BIRC6: variants seen among roughly 807,000 people sequenced by gnomAD.
BIRC6 encodes baculoviral IAP repeat containing 6, also known as dual E2 ubiquitin-conjugating enzyme/E3 ubiquitin-protein ligase BIRC6.
A neutral mutation model predicts 503.3 loss-of-function variants in BIRC6; 98 were observed. That is an observed-to-expected ratio of 0.19 (90% CI 0.17 to 0.23). The LOEUF is 0.23. Ranked by LOEUF, BIRC6 falls within the 10% of genes least tolerant of loss-of-function variation. BIRC6 has a pLI of 1.00. For synonymous variants in BIRC6, 2,240 were observed against 2,078.7 expected (o/e 1.08, Z -2.11); for missense variants, 5,360 against 5,806.0 (o/e 0.92, Z 2.50).
chr2:32,426,662 A>G (rs1171116528), intron 10 of BIRC6, among the ~76,000 whole-genome samples: 1 of 152,244 alleles, frequency 6.6e-6, no homozygotes, highest in Non-Finnish European at 1.5e-5. Flanking sequence ...TACAACCATT[A>G]TCTTTTTAAA....
At chr2:32,572,421 A>T (rs1001726747) in intron 65 of BIRC6, among the ~76,000 whole-genome samples, 2 of 152,170 alleles carry the variant, frequency 1.3e-5, no homozygotes, top group African/African-American at 4.8e-5. Context: ...ACAGTATTGT[A>T]TTGAACATTT....
At chr2:32,484,104 T>A (rs2050715371) in intron 39 of BIRC6, among the ~76,000 whole-genome samples, 1 of 152,138 alleles carries the variant, frequency 6.6e-6, no homozygotes. Flanking sequence ...CTCAAACTCC[T>A]GAGCTCAAGC....
At chr2:32,553,311 T>C (rs2058565951) in intron 65 of BIRC6, among the ~76,000 whole-genome samples, 1 of 150,242 alleles carries the variant, frequency 6.7e-6, no homozygotes, top group Admixed American at 6.7e-5. Flanking sequence ...GTAGTTTTCC[T>C]ACTCTTTTGA....
At position 32,618,228 on chromosome 2, in the gene BIRC6, AT is replaced by A. The variant is rs869202969; in HGVS notation, c.*334del. ...GTTTACTGAATGTTTATTTTATTTT[AT>A]TTTTTTTTTACTATAGAGTGAGGGG... On this transcript the variant is annotated 3_prime_UTR_variant, in exon 74 of 74. Coordinates refer to ENST00000421745, the MANE Select transcript of BIRC6 (RefSeq NM_016252.4). The A allele has an allele frequency of 0.012, 1,231 of 99,708 alleles. 10 individuals carry two copies. The highest frequency in any genetic ancestry group is 0.046 in the Middle Eastern group (10 of 216). 6.2% of individuals were successfully genotyped at this position (99,708 alleles called of 1,614,324 possible). A position where few individuals can be genotyped will look rare whatever the true frequency, so the allele number is the denominator to read the frequency against.
chr2:32,510,734 C>A, intron 53 of BIRC6, 100 bp downstream of exon 53: 1 of 799,652 alleles, frequency 1.3e-6, no homozygotes, highest in Non-Finnish European at 2.1e-6. Flanking sequence ...TCATAAAAGA[C>A]AATACTGTGA....
intron 37 of BIRC6, among the ~76,000 whole-genome samples, chr2:32,480,693 G>T (rs1263858768): frequency 8.3e-6 from 1 of 120,056 alleles, no homozygotes; most frequent in African/African-American, 3.2e-5. Context: ...CCAGGCTGGA[G>T]CACAATGGCG....
At chr2:32,587,908 TATTCTAGTCACGTCTA>T (rs2061158935) in intron 66 of BIRC6, among the ~76,000 whole-genome samples, 1 of 152,222 alleles carries the variant, frequency 6.6e-6, no homozygotes, top group Non-Finnish European at 1.5e-5. Flanking sequence ...ATATCCATAG[TATTCTAGTCACGTCTA>T]ATTACTAGAT....
At chr2:32,542,487 C>T (rs905791453) in intron 61 of BIRC6, among the ~76,000 whole-genome samples, 15 of 152,134 alleles carry the variant, frequency 9.9e-5, no homozygotes, top group African/African-American at 2.4e-4. Flanking sequence ...AGAATCTATA[C>T]TGATAAAAAT....
In BIRC6 at chr2:32,445,528, C is replaced by G. The variant is rs2045863896; in HGVS notation, c.4344C>G (p.Val1448=). Residue 1448 remains valine (V), a synonymous_variant, in exon 21 of 74, where the codon GTC becomes GTG. Transcript: ENST00000421745. ...FLPAATTGGS[V]YWYFVLLNYV... The stretch of plus-strand genomic sequence containing the variant: ...TGTTTTTATTGTTTCCAGGTTCTGT[C>G]TATTGGTATTTTGTCTTACTGAATT... The G allele has an allele frequency of 6.4e-7, 1 of 1,572,200 alleles. No individual in the cohort carries two copies. The highest frequency in any genetic ancestry group is 1.4e-5 in the African/African-American group (1 of 73,104).
Position 32,597,719 on chromosome 2 carries a change from G to A in BIRC6, c.13613-32G>A, listed in dbSNP as rs1160409148. The stretch of plus-strand genomic sequence containing the variant: ...TTTGTCATTATAACAATTTTTTGCA[G>A]TTCTGGGTTTTATTTTTTCTTCTCC... On this transcript the variant is annotated intron_variant, in intron 68 of 73. Transcript: ENST00000421745. The A allele has an allele frequency of 9.1e-6, 14 of 1,535,960 alleles. No individual in the cohort carries two copies. The East Asian group carries it at 1.4e-4, about 15-fold the overall frequency.
At chr2:32,585,444 A>G (rs2060964542) in intron 66 of BIRC6, among the ~76,000 whole-genome samples, 1 of 150,602 alleles carries the variant, frequency 6.6e-6, no homozygotes, top group Non-Finnish European at 1.5e-5. Context: ...CTGTGGCGTG[A>G]TCTTGGCTCA....
At chr2:32,543,575 T>C (rs1451271310) in intron 62 of BIRC6, 34 bp downstream of exon 62, 11 of 1,583,368 alleles carry the variant, frequency 6.9e-6, no homozygotes, top group East Asian at 2.2e-5. Flanking sequence ...TCAACACATA[T>C]GTGAATAGGT....
chr2:32,591,764 A>G (rs746608115), intron 66 of BIRC6, among the ~76,000 whole-genome samples: 1 of 152,174 alleles, frequency 6.6e-6, no homozygotes, highest in African/African-American at 2.4e-5. Context: ...GAAACAAGTT[A>G]CTGTTGTTTT....
At chr2:32,546,711 A>G (rs1040177494) in intron 63 of BIRC6, among the ~76,000 whole-genome samples, 7 of 152,340 alleles carry the variant, frequency 4.6e-5, no homozygotes, top group Admixed American at 3.3e-4. Flanking sequence ...AGCTTTATAA[A>G]GATATATTTT....
In BIRC6 at chr2:32,502,897, A is replaced by G. The variant is rs760000553; in HGVS notation, c.9304+6A>G. 4.4e-6 allele frequency: 7 copies of G among 1,589,090 alleles called. No homozygotes were observed. The highest frequency in any genetic ancestry group is 1.4e-5 in the African/African-American group (1 of 73,942). On this transcript the variant is annotated splice_donor_region_variant and intron_variant, in intron 48 of 73. Coordinates refer to ENST00000421745, the MANE Select transcript of BIRC6 (RefSeq NM_016252.4). ...GAAAGCATTTCATGATATGGGTAAG[A>G]TAATATTTCAATAACTATCATTTAA...
At chr2:32,422,941 A>G (rs1053363702) in intron 10 of BIRC6, among the ~76,000 whole-genome samples, 1 of 151,792 alleles carries the variant, frequency 6.6e-6, no homozygotes, top group Admixed American at 6.6e-5. Flanking sequence ...GGGGCTCTCT[A>G]TTTTTTTATT....
At chr2:32,488,768 A>T in intron 42 of BIRC6, 54 bp downstream of exon 42, 1 of 1,206,778 alleles carries the variant, frequency 8.3e-7, no homozygotes, top group Non-Finnish European at 1.1e-6. Context: ...CTTAAAACGT[A>T]ATTATTAGGT....
At chr2:32,372,097 C>T (rs1181525072) in intron 1 of BIRC6, among the ~76,000 whole-genome samples, 1 of 152,044 alleles carries the variant, frequency 6.6e-6, no homozygotes, top group Non-Finnish European at 1.5e-5. Flanking sequence ...GAAGGCATTG[C>T]GCTTGGGTGT....
intron 66 of BIRC6, among the ~76,000 whole-genome samples, chr2:32,585,224 A>G (rs2060947391): frequency 6.6e-6 from 1 of 152,162 alleles, no homozygotes; most frequent in Admixed American, 6.6e-5. Flanking sequence ...CACAGACTCC[A>G]AGCCTCATTC....
Sources: gnomAD v4.1 joint callset for allele counts (sites outside exome capture counted in the v4.1 genomes callset) on GRCh38, gnomAD v4.1.1 for gene constraint, MANE v1.5 for transcripts, NCBI Gene and HGNC (gene_info 2026-07-23, HGNC 2026-07-21) for gene names.